Variants in PLIN3 observed in about 807,000 individuals in gnomAD.
The protein encoded by PLIN3 is perilipin-3.
A neutral mutation model predicts 35.9 loss-of-function variants in PLIN3; 30 were observed. The observed-to-expected ratio is 0.84, with a 90% CI of 0.62 to 1.13. The LOEUF (loss-of-function observed/expected upper bound fraction) is 1.13. Among genes scored for constraint, PLIN3 ranks in the 50% most tolerant of loss-of-function variants. The probability of loss-of-function intolerance (pLI) is 0.00; values close to 1 mark genes in which losing one functional copy is unlikely to be tolerated. For synonymous variants in PLIN3, 261 were observed against 262.5 expected (o/e 0.99, Z 0.06); for missense variants, 603 against 596.9 (o/e 1.01, Z -0.11).
intron 6 of PLIN3, among the ~76,000 whole-genome samples, chr19:4,845,588 A>G (rs2030060699): frequency 6.6e-6 from 1 of 152,078 alleles, no homozygotes; most frequent in Admixed American, 6.6e-5. Context: ...TAGGCAACAC[A>G]GTGACATCTC....
chr19:4,841,529 T>C (rs1372828729), intron 7 of PLIN3, among the ~76,000 whole-genome samples: 1 of 151,428 alleles, frequency 6.6e-6, no homozygotes, highest in African/African-American at 2.4e-5. Context: ...AGTTGCACAA[T>C]GCTGAGAACC....
intron 7 of PLIN3, among the ~76,000 whole-genome samples, chr19:4,841,695 G>T (rs542215725): frequency 2.7e-5 from 4 of 150,734 alleles, no homozygotes; most frequent in Non-Finnish European, 5.9e-5. Flanking sequence ...AGGTCAGGAC[G>T]ATCGGGACCA....
intron 2 of PLIN3, 75 bp downstream of exon 2, chr19:4,861,254 G>A: frequency 8.3e-6 from 11 of 1,330,984 alleles, no homozygotes; most frequent in Admixed American, 1.7e-5. Flanking sequence ...CCCTGCCAGG[G>A]CACCCTGGGG....
At chr19:4,859,738 C>T in intron 3 of PLIN3, 66 bp from the exon 4 acceptor site, 1 of 1,601,410 alleles carries the variant, frequency 6.2e-7, no homozygotes, top group Admixed American at 1.7e-5. Context: ...TTCAGGGGGA[C>T]AGGACCAAGA....
chr19:4,853,935 T>TC (rs970403094), intron 4 of PLIN3, among the ~76,000 whole-genome samples: 3 of 151,216 alleles, frequency 2.0e-5, no homozygotes, highest in Non-Finnish European at 4.4e-5. Context: ...CTAAGTCTTT[T>TC]TTTTTTTTTT....
At chr19:4,847,019 A>T (rs895734874) in intron 6 of PLIN3, among the ~76,000 whole-genome samples, 2 of 151,242 alleles carry the variant, frequency 1.3e-5, no homozygotes, top group African/African-American at 4.9e-5. Context: ...CCTCCTGAGT[A>T]GCTGGGATTA....
At chr19:4,841,904 C>CAAAAAAAAAAA (rs111932271) in intron 7 of PLIN3, among the ~76,000 whole-genome samples, 30 of 37,940 alleles carry the variant, frequency 7.9e-4, no homozygotes, top group Non-Finnish European at 1.3e-3. Flanking sequence ...GACTCCATCT[C>CAAAAAAAAAAA]AAAAAAAAAA....
chr19:4,864,318 T>G (rs1474808122), intron 1 of PLIN3, among the ~76,000 whole-genome samples: 1 of 151,568 alleles, frequency 6.6e-6, no homozygotes, highest in Non-Finnish European at 1.5e-5. Context: ...TCTGGCTAAT[T>G]TTTTGTATTT....
intron 7 of PLIN3, 125 bp from the exon 8 acceptor site, chr19:4,839,661 G>A (rs2146192839): frequency 3.0e-6 from 2 of 664,456 alleles, no homozygotes; most frequent in East Asian, 3.1e-5. Context: ...CTTTCCATAG[G>A]CGAAACTTTT....
intron 4 of PLIN3, among the ~76,000 whole-genome samples, chr19:4,858,056 C>T (rs1312494887): frequency 6.6e-6 from 1 of 151,486 alleles, no homozygotes; most frequent in Non-Finnish European, 1.5e-5. Flanking sequence ...GGGAGGATCA[C>T]GAGGTCAAGA....
At chr19:4,862,015 T>C (rs1284189223) in intron 1 of PLIN3, among the ~76,000 whole-genome samples, 1 of 151,680 alleles carries the variant, frequency 6.6e-6, no homozygotes, top group African/African-American at 2.4e-5. Flanking sequence ...CACAGCTCAC[T>C]GCAGCCTCTA....
At chr19:4,853,684 A>G (rs1041622439) in intron 4 of PLIN3, among the ~76,000 whole-genome samples, 3 of 151,840 alleles carry the variant, frequency 2.0e-5, no homozygotes, top group African/African-American at 7.3e-5. Context: ...GCAGTGGTGC[A>G]TGTCTGTAAT....
intron 2 of PLIN3, 45 bp downstream of exon 2, chr19:4,861,284 G>A: frequency 1.9e-6 from 3 of 1,554,054 alleles, no homozygotes; most frequent in Non-Finnish European, 2.7e-6. Flanking sequence ...TCCTTGCACG[G>A]GAATCACAGG....
Position 4,860,516 on chromosome 19 carries a change from G to A in PLIN3, c.67-492C>T, listed in dbSNP as rs539834055. Among the ~76,000 whole-genome samples, 4 of 152,154 alleles carry A rather than the reference G, an allele frequency of 2.6e-5. No homozygotes were observed. The East Asian group carries it at 7.8e-4, about 30-fold the overall frequency. ...CCGCACTCAGCCCACGTGCTTCCTTGAACACAGGCTATTTACATGAGCCTG... is the reference window on the plus strand; with the variant it reads ...CCGCACTCAGCCCACGTGCTTCCTTAAACACAGGCTATTTACATGAGCCTG... On this transcript the variant is annotated intron_variant, in intron 2 of 7. Coordinates refer to ENST00000221957, the MANE Select transcript of PLIN3 (RefSeq NM_005817.5).
In PLIN3 at chr19:4,858,197, C is replaced by T. The variant is rs565350485; in HGVS notation, c.348+1393G>A. Among the ~76,000 whole-genome samples the T allele has an allele frequency of 8.7e-5, 11 of 125,724 alleles. No homozygotes were observed. The South Asian group carries it at 2.2e-3, about 26-fold the overall frequency. 82.5% of individuals were successfully genotyped at this position (125,724 alleles called of 152,430 possible). Reference sequence around the variant, plus strand: ...CTGAGGCAGGAGAATCGCTGGAACCCGGAGGTGGAGGTTGCAGTGAGCCGA... The same window carrying T: ...CTGAGGCAGGAGAATCGCTGGAACCTGGAGGTGGAGGTTGCAGTGAGCCGA... On this transcript the variant is annotated intron_variant, in intron 4 of 7. Coordinates refer to ENST00000221957, the MANE Select transcript of PLIN3 (RefSeq NM_005817.5).
chr19:4,845,806 C>T (rs2030072230), intron 6 of PLIN3, among the ~76,000 whole-genome samples: 1 of 149,578 alleles, frequency 6.7e-6, no homozygotes, highest in Admixed American at 6.7e-5. Flanking sequence ...CGCCTGTAGT[C>T]CCAGCTACTC....
intron 4 of PLIN3, among the ~76,000 whole-genome samples, chr19:4,856,577 G>A (rs2030482881): frequency 6.6e-6 from 1 of 151,688 alleles, no homozygotes; most frequent in South Asian, 2.1e-4. Context: ...AAAAAAATAA[G>A]CATCTACCCT....
intron 2 of PLIN3, 146 bp downstream of exon 2, chr19:4,861,183 T>C: frequency 1.4e-6 from 1 of 712,606 alleles, no homozygotes; most frequent in Non-Finnish European, 2.5e-6. Flanking sequence ...CAGTGAGTGG[T>C]CCATACCCCA....
chr19:4,853,044 C>A (rs931007007), intron 4 of PLIN3, among the ~76,000 whole-genome samples: 1 of 151,988 alleles, frequency 6.6e-6, no homozygotes, highest in African/African-American at 2.4e-5. Context: ...AAACTCCTGA[C>A]CTAGTGATCC....
Sources: gnomAD v4.1 joint callset for allele counts (sites outside exome capture counted in the v4.1 genomes callset) on GRCh38, gnomAD v4.1.1 for gene constraint, MANE v1.5 for transcripts, NCBI Gene and HGNC (gene_info 2026-07-23, HGNC 2026-07-21) for gene names.